Variants in HIVEP3 observed in about 807,000 individuals in gnomAD.
The protein encoded by HIVEP3 is transcription factor HIVEP3.
In HIVEP3, 49 loss-of-function variants were observed where a neutral mutation model predicts 152.8. That is an observed-to-expected ratio of 0.32 (90% confidence interval 0.26 to 0.41). The LOEUF is 0.41. HIVEP3 is among the 10% of genes least tolerant of loss of function. HIVEP3 has a pLI of 1.00. For missense variants in HIVEP3, 2,790 were observed against 3,103.3 expected (o/e 0.90, Z 2.40); for synonymous variants, 1,269 against 1,289.0 (o/e 0.98, Z 0.33).
At chr1:41,920,219 G>A (rs1412162913), upstream of HIVEP3, among the ~76,000 whole-genome samples, 1 of 152,116 alleles carries the variant, frequency 6.6e-6, no homozygotes, top group Non-Finnish European at 1.5e-5. Flanking sequence ...GATTGGCTGG[G>A]CCCTGGCAGC....
At chr1:41,847,883 G>C (rs1483154206) in intron 1 of HIVEP3, 1 of 152,642 alleles carries the variant, frequency 6.6e-6, no homozygotes, top group African/African-American at 2.4e-5. Context: ...GAGAGGAGAA[G>C]GGCATCAAGG....
At chr1:41,835,110 T>G (rs550478123) in intron 1 of HIVEP3, among the ~76,000 whole-genome samples, 1 of 152,364 alleles carries the variant, frequency 6.6e-6, no homozygotes, top group African/African-American at 2.4e-5. Context: ...TCTTAGCATG[T>G]AAGCTCCAAG....
intron 2 of HIVEP3, among the ~76,000 whole-genome samples, chr1:41,644,995 C>T (rs962089281): frequency 2.6e-5 from 4 of 152,108 alleles, no homozygotes; most frequent in Non-Finnish European, 5.9e-5. Flanking sequence ...GCATGGGTAC[C>T]CAAAGCTTCA....
chr1:41,711,402 C>T (rs752293070), intron 1 of HIVEP3, among the ~76,000 whole-genome samples: 8 of 152,268 alleles, frequency 5.3e-5, no homozygotes, highest in South Asian at 4.2e-4. Flanking sequence ...TGATGGTGGC[C>T]GAGCACCACC....
At chr1:41,852,024 T>C (rs1286471497) in intron 1 of HIVEP3, among the ~76,000 whole-genome samples, 1 of 152,222 alleles carries the variant, frequency 6.6e-6, no homozygotes, top group Non-Finnish European at 1.5e-5. Flanking sequence ...AGTTAACATA[T>C]GTGGACACTC....
At chr1:41,883,730 G>C (rs1273260268) in intron 1 of HIVEP3, among the ~76,000 whole-genome samples, 1 of 152,126 alleles carries the variant, frequency 6.6e-6, no homozygotes, top group East Asian at 1.9e-4. Context: ...CTGCTCTTCT[G>C]ACAGCTCTGC....
At chr1:41,910,475 T>A (rs1644778189) in intron 1 of HIVEP3, among the ~76,000 whole-genome samples, 1 of 151,914 alleles carries the variant, frequency 6.6e-6, no homozygotes, top group Non-Finnish European at 1.5e-5. Flanking sequence ...TGAGAACAGA[T>A]AAAGAGGAAA....
chr1:41,698,698 A>G (rs1408602313), intron 2 of HIVEP3, among the ~76,000 whole-genome samples: 1 of 152,044 alleles, frequency 6.6e-6, no homozygotes, highest in Admixed American at 6.5e-5. Context: ...CCATGACCCC[A>G]CTGCTGATCT....
intron 2 of HIVEP3, among the ~76,000 whole-genome samples, chr1:41,675,756 C>T (rs897627980): frequency 6.6e-6 from 1 of 152,214 alleles, no homozygotes; most frequent in African/African-American, 2.4e-5. Flanking sequence ...TTCCCTGCAC[C>T]TGGCATAGAA....
chr1:41,536,012 C>T (rs1025574728), intron 5 of HIVEP3: 2 of 152,134 alleles, frequency 1.3e-5, no homozygotes, highest in Non-Finnish European at 2.9e-5. Flanking sequence ...ACAGCTTCTG[C>T]TAAGCACAAA....
At chr1:41,553,407 T>A (rs954409460) in intron 5 of HIVEP3, among the ~76,000 whole-genome samples, 1 of 152,328 alleles carries the variant, frequency 6.6e-6, no homozygotes. Flanking sequence ...GCACATGAGA[T>A]TGGTCTCCTG....
At chr1:41,997,905 T>C (rs1557555462) in intron 1 of HIVEP3, among the ~76,000 whole-genome samples, 1 of 152,226 alleles carries the variant, frequency 6.6e-6, no homozygotes, top group Admixed American at 6.5e-5. Context: ...GAATAGAACA[T>C]ATTAGCATAA....
intron 3 of HIVEP3, among the ~76,000 whole-genome samples, chr1:41,594,571 A>G (rs1201364380): frequency 2.0e-5 from 3 of 152,138 alleles, no homozygotes; most frequent in African/African-American, 7.2e-5. Context: ...GAGGCTTAGC[A>G]TTTTTGCATA....
At chr1:41,699,053 C>G (rs932936060) in intron 2 of HIVEP3, among the ~76,000 whole-genome samples, 15 of 152,242 alleles carry the variant, frequency 9.9e-5, no homozygotes, top group Non-Finnish European at 1.9e-4. Flanking sequence ...GATCACACCA[C>G]CTTCTGAACC....
In HIVEP3 at chr1:41,510,190, T is replaced by C; in HGVS notation, c.*261A>G. The C allele has an allele frequency of 3.0e-6, 1 of 334,578 alleles. No homozygotes were observed. Among genetic ancestry groups the C allele is most frequent in the Non-Finnish European group, 5.4e-6 (1 of 186,788 alleles). The allele number at this position is 334,578 out of a possible 1,614,324, so 20.7% of individuals were successfully genotyped here. On this transcript the variant is annotated 3_prime_UTR_variant, in exon 9 of 9. Coordinates refer to ENST00000372583, the MANE Select transcript of HIVEP3 (RefSeq NM_024503.5). ...GCCTTTCCCCAAAACCATAAACTAT[T>C]CACAGCCTCAGACTCCTCGTGGGTT...
At chr1:42,000,069 A>T (rs747000553) in intron 1 of HIVEP3, among the ~76,000 whole-genome samples, 1 of 152,186 alleles carries the variant, frequency 6.6e-6, no homozygotes, top group Non-Finnish European at 1.5e-5. Context: ...TAGTGTGTAG[A>T]CTGGTTCAGC....
intron 2 of HIVEP3, among the ~76,000 whole-genome samples, chr1:41,686,769 G>A (rs976604973): frequency 6.6e-6 from 1 of 152,162 alleles, no homozygotes; most frequent in Non-Finnish European, 1.5e-5. Flanking sequence ...TGAGTCCCTG[G>A]TTCTCATCTG....
intron 1 of HIVEP3, among the ~76,000 whole-genome samples, chr1:41,928,430 C>A (rs1644978831): frequency 6.6e-6 from 1 of 152,140 alleles, no homozygotes; most frequent in Non-Finnish European, 1.5e-5. Context: ...TTCCCATACA[C>A]CCTTTACCCA....
At chr1:41,701,591 C>A in intron 1 of HIVEP3, among the ~76,000 whole-genome samples, 1 of 152,168 alleles carries the variant, frequency 6.6e-6, no homozygotes, top group Non-Finnish European at 1.5e-5. Flanking sequence ...TGCAGGATGG[C>A]AGAATGTTTC....
Sources: allele counts gnomAD v4.1 joint callset (sites outside exome capture counted in the v4.1 genomes callset), GRCh38; gene constraint gnomAD v4.1.1; transcripts MANE v1.5; gene names NCBI Gene and HGNC (gene_info 2026-07-23, HGNC 2026-07-21).